The following GTF3C3 variants were observed in gnomAD, a reference collection of about 807,000 sequenced individuals.
GTF3C3 encodes general transcription factor 3C polypeptide 3.
Under a neutral mutation model 105.2 loss-of-function variants are expected in GTF3C3, and 75 were observed. The ratio of observed to expected loss-of-function variants is 0.71; its 90% CI spans 0.59 to 0.86. The LOEUF is 0.86. GTF3C3 is among the 40% of genes least tolerant of loss of function. The probability of loss-of-function intolerance (pLI) is 0.00; values close to 1 mark genes in which losing one functional copy is unlikely to be tolerated. For missense variants in GTF3C3, 856 were observed against 1,076.5 expected (o/e 0.80, Z 2.87); for synonymous variants, 335 against 370.4 (o/e 0.90, Z 1.10).
At chr2:196,788,350 A>G (rs555379463) in intron 6 of GTF3C3, among the ~76,000 whole-genome samples, 30 of 152,370 alleles carry the variant, frequency 2.0e-4, no homozygotes, top group African/African-American at 6.5e-4. Flanking sequence ...AATGGAAAGC[A>G]TATCACAAGG....
At chr2:196,785,067 A>G (rs1323977592) in intron 7 of GTF3C3, 138 bp from the exon 8 acceptor site, 3 of 620,252 alleles carry the variant, frequency 4.8e-6, no homozygotes, top group Non-Finnish European at 5.5e-6. Flanking sequence ...TAAAAATGAG[A>G]AACCCTGTGA....
At chr2:196,790,502 T>A (rs1699528506) in intron 4 of GTF3C3, among the ~76,000 whole-genome samples, 1 of 152,172 alleles carries the variant, frequency 6.6e-6, no homozygotes, top group African/African-American at 2.4e-5. Context: ...GCTAAACGGA[T>A]ATCAAAGTGA....
chr2:196,765,923 T>C (rs1387754274), intron 17 of GTF3C3, among the ~76,000 whole-genome samples: 1 of 142,038 alleles, frequency 7.0e-6, no homozygotes, highest in Admixed American at 7.8e-5. Context: ...GGCAGGAGAA[T>C]GGCGTGAACC....
In GTF3C3 at chr2:196,764,565, A is replaced by T; in HGVS notation, c.2659T>A (p.Ter887LysextTer14). 6.2e-7 allele frequency: 1 copy of T among 1,613,776 alleles called. No individual in the cohort carries two copies. The highest frequency in any genetic ancestry group is 2.2e-5 in the East Asian group (1 of 44,872). ...GCTCTGTTCTCAGTTGCGGTGCTTT[A>T]TATAGAACAATAGGTATACAAAAGC... ...QTLLYTYCSI[*>K] Residue 887 changes from the stop codon to lysine (K), a stop_lost, in exon 18 of 18, where the codon TAA becomes AAA. Coordinates refer to ENST00000263956, the MANE Select transcript of GTF3C3 (RefSeq NM_012086.5).
In GTF3C3 at chr2:196,781,342, G is replaced by GAAAAA. The variant is rs769914255; in HGVS notation, c.1115-685_1115-681dup. Among the ~76,000 whole-genome samples, 64 of 31,452 alleles carry GAAAAA rather than the reference G, an allele frequency of 2.0e-3. 2 individuals carry two copies. The highest frequency in any genetic ancestry group is 2.4e-3 in the Non-Finnish European group (44 of 18,172). The allele number at this position is 31,452 out of a possible 152,430, so 20.6% of individuals were successfully genotyped here. ...AACTGCAGATCAAAAATGTTAAGGG[G>GAAAAA]AAAAAAAAAAAAAAAATATATATAT... is the stretch of plus-strand genomic sequence containing the variant. On this transcript the variant is annotated intron_variant, in intron 8 of 17. Coordinates refer to ENST00000263956, the MANE Select transcript of GTF3C3 (RefSeq NM_012086.5).
In GTF3C3 at chr2:196,776,980, A is replaced by C. The variant is rs374590271; in HGVS notation, c.1391-351T>G. ...GTTGCTTTCAAATTTTTACTCTAAT[A>C]AATAATACTGCAGTAAACATCTTCA... On this transcript the variant is annotated intron_variant, in intron 10 of 17. Transcript: ENST00000263956. The surrounding 1 kb of genome is among the most constrained non-coding windows in gnomAD (Gnocchi z 4.5). Among the ~76,000 whole-genome samples, 35 of 152,342 alleles carry C rather than the reference A, an allele frequency of 2.3e-4. No homozygotes were observed. The South Asian group carries it at 7.0e-3, about 31-fold the overall frequency.
rs543579702 is a variant in GTF3C3 at position 196,776,839 on chromosome 2, A to G, written c.1391-210T>C. On this transcript the variant is annotated intron_variant, in intron 10 of 17. Transcript: ENST00000263956. This position sits in a 1 kb window ranked among gnomAD's most constrained non-coding sequence, Gnocchi z 4.5. Reference sequence around the variant, plus strand: ...GCTAAGGAGTAATCAGTGTATACATATAATTTAGGGTTCTGCTTTATTCAT... The same window carrying G: ...GCTAAGGAGTAATCAGTGTATACATGTAATTTAGGGTTCTGCTTTATTCAT... Among the ~76,000 whole-genome samples the G allele has an allele frequency of 5.9e-5, 9 of 152,356 alleles. No individual in the cohort carries two copies. The South Asian group carries it at 1.7e-3, about 28-fold the overall frequency.
chr2:196,782,429 T>C (rs929045868), intron 8 of GTF3C3, among the ~76,000 whole-genome samples: 4 of 152,252 alleles, frequency 2.6e-5, no homozygotes, highest in African/African-American at 9.6e-5. Context: ...AAAATTATAG[T>C]ATATGAAATA....
chr2:196,766,507 C>G, intron 17 of GTF3C3, 58 bp downstream of exon 17: 1 of 1,324,530 alleles, frequency 7.5e-7, no homozygotes, highest in African/African-American at 1.5e-5. Context: ...ACTTAGCTAA[C>G]TGCCCTTATC....
rs1393967366 is a variant in GTF3C3, at chr2:196,776,967, T to C, written c.1391-338A>G. ...ATTTGCCATTTAGGTTGCTTTCAAA[T>C]TTTTACTCTAATAAATAATACTGCA... is the stretch of plus-strand genomic sequence containing the variant. On this transcript the variant is annotated intron_variant, in intron 10 of 17. Coordinates refer to ENST00000263956, the MANE Select transcript of GTF3C3 (RefSeq NM_012086.5). The surrounding 1 kb of genome is among the most constrained non-coding windows in gnomAD (Gnocchi z 4.5). Among the ~76,000 whole-genome samples the C allele has an allele frequency of 6.6e-6, 1 of 152,182 alleles. No individual in the cohort carries two copies. The highest frequency in any genetic ancestry group is 1.5e-5 in the Non-Finnish European group (1 of 68,032).
intron 5 of GTF3C3, 82 bp downstream of exon 5, chr2:196,789,797 C>A (rs1699515347): frequency 3.5e-6 from 3 of 851,662 alleles, no homozygotes; most frequent in Non-Finnish European, 5.3e-6. Flanking sequence ...CAATATCACA[C>A]CCCAGAATAG....
At chr2:196,784,039 G>T (rs895178524) in intron 8 of GTF3C3, among the ~76,000 whole-genome samples, 1 of 152,124 alleles carries the variant, frequency 6.6e-6, no homozygotes, top group African/African-American at 2.4e-5. Context: ...CTCACCATTA[G>T]GATGGATCAT....
At position 196,795,008 on chromosome 2, in the gene GTF3C3, C is replaced by T. The variant is rs192233400; in HGVS notation, c.215-1856G>A. Among the ~76,000 whole-genome samples, 188 of 152,018 alleles carry T rather than the reference C, an allele frequency of 1.2e-3. 1 individual carries two copies. The highest frequency in any genetic ancestry group is 4.1e-3 in the African/African-American group (171 of 41,454). On this transcript the variant is annotated intron_variant, in intron 2 of 17. Transcript: ENST00000263956. ...CCTCCCAAAGTACTGGGATTACATG[C>T]GTAAGCTATCATGCCCAGCATTTTT...
Position 196,773,105 on chromosome 2 carries a change from T to C in GTF3C3, c.1880A>G (p.Asn627Ser). 2 of 1,612,652 alleles carry C rather than the reference T, an allele frequency of 1.2e-6. No homozygotes were observed. The highest frequency in any genetic ancestry group is 1.3e-5 in the African/African-American group (1 of 74,996). ...TSVLTKDDWW[N>S]LLLKAIYSLC... ...GGAGTATATGGCCTTCAACAGAAGA[T>C]TCCACCAGTCATCCTTTGTCAAGAC... The change falls in exon 14 of 18, where the codon AAT (asparagine) becomes AGT (serine). Residue 627 changes from asparagine (N) to serine (S), a missense_variant. By Grantham distance (46) the Asn-to-Ser change is conservative. Around this residue, in one of 3 missense-constraint regions of GTF3C3, gnomAD observed 605 missense variants for 833.6 expected, o/e 0.73. Coordinates refer to ENST00000263956, the MANE Select transcript of GTF3C3 (RefSeq NM_012086.5).
intron 8 of GTF3C3, among the ~76,000 whole-genome samples, chr2:196,781,130 A>G (rs892047854): frequency 1.3e-5 from 2 of 151,776 alleles, no homozygotes; most frequent in African/African-American, 2.4e-5. Flanking sequence ...AAAGTCTAAT[A>G]AATTCCAAAT....
At chr2:196,799,112 G>C (rs1053367546) in intron 1 of GTF3C3, 2 of 165,902 alleles carry the variant, frequency 1.2e-5, no homozygotes, top group Non-Finnish European at 2.6e-5. Flanking sequence ...TTCAGAAAAG[G>C]AGACATTGGG....
chr2:196,775,153 G>A lies in GTF3C3; in HGVS notation c.1794C>T (p.Asp598=), dbSNP rs1361335167. The part of the protein sequence containing the change: ...LIKVSRDKIS[D]SNDQESANCD... ...AATTTGCTGACTCTTGGTCATTGCT[G>A]TCTGATATTTTGTCTCTCGATACTT... is the stretch of plus-strand genomic sequence containing the variant. The change falls in exon 13 of 18, where the codon GAC becomes GAT. Residue 598 remains aspartate (D), a synonymous_variant. Transcript: ENST00000263956. 1 of 1,612,608 alleles carries A rather than the reference G, an allele frequency of 6.2e-7. No individual in the cohort carries two copies.
At chr2:196,787,903 C>T (rs899398170) in intron 6 of GTF3C3, among the ~76,000 whole-genome samples, 1 of 152,200 alleles carries the variant, frequency 6.6e-6, no homozygotes, top group African/African-American at 2.4e-5. Context: ...ACAGAAGTTA[C>T]AGTGATAGAA....
intron 8 of GTF3C3, 24 bp from the exon 9 acceptor site, chr2:196,780,686 C>T: frequency 6.2e-7 from 1 of 1,603,158 alleles, no homozygotes; most frequent in Non-Finnish European, 8.5e-7. Flanking sequence ...AGACAAGAAG[C>T]AGTTACTATA....
Sources: allele counts gnomAD v4.1 joint callset (sites outside exome capture counted in the v4.1 genomes callset), GRCh38; gene constraint gnomAD v4.1.1; regional missense constraint gnomAD v4.1.1; non-coding constraint Gnocchi (gnomAD v3.1); transcripts MANE v1.5; gene names NCBI Gene and HGNC (gene_info 2026-07-23, HGNC 2026-07-21).